GREB1L: variants seen among roughly 807,000 people sequenced by gnomAD.
The protein encoded by GREB1L is GREB1-like protein.
In GREB1L, 17 loss-of-function variants were observed where a neutral mutation model predicts 200.8. That is an observed-to-expected ratio of 0.08 (90% CI 0.06 to 0.13). The LOEUF is 0.13. GREB1L is among the 10% of genes least tolerant of loss of function. The probability of loss-of-function intolerance (pLI) is 1.00; values close to 1 mark genes in which losing one functional copy is unlikely to be tolerated. For synonymous variants in GREB1L, 789 were observed against 893.0 expected (o/e 0.88, Z 2.08); for missense variants, 1,657 against 2,367.7 (o/e 0.70, Z 6.23).
chr18:21,338,873 T>C (rs1020869443), intron 1 of GREB1L, among the ~76,000 whole-genome samples: 2 of 152,216 alleles, frequency 1.3e-5, no homozygotes, highest in Non-Finnish European at 2.9e-5. Context: ...TCAAAAATTA[T>C]CAGTCTGAGT....
At chr18:21,284,502 AT>A (rs1219571535) in intron 1 of GREB1L, among the ~76,000 whole-genome samples, 1 of 152,054 alleles carries the variant, frequency 6.6e-6, no homozygotes, top group African/African-American at 2.4e-5. Flanking sequence ...CTAATACTTC[AT>A]TTCTTTTTAT....
At chr18:21,403,083 T>C (rs1298066283) in intron 6 of GREB1L, among the ~76,000 whole-genome samples, 1 of 152,150 alleles carries the variant, frequency 6.6e-6, no homozygotes, top group Non-Finnish European at 1.5e-5. Flanking sequence ...GGAGACACTC[T>C]AAAGGACCAT....
At chr18:21,461,672 C>A (rs1274134263) in intron 15 of GREB1L, among the ~76,000 whole-genome samples, 1 of 152,192 alleles carries the variant, frequency 6.6e-6, no homozygotes, top group African/African-American at 2.4e-5. Context: ...TGCTCATGCA[C>A]ACACTGCAGT....
At chr18:21,516,059 G>A (rs545734532) in intron 29 of GREB1L, among the ~76,000 whole-genome samples, 1 of 152,244 alleles carries the variant, frequency 6.6e-6, no homozygotes, top group South Asian at 2.1e-4. Flanking sequence ...TTTCCTGAAT[G>A]TTAGTAGGAT....
intron 2 of GREB1L, among the ~76,000 whole-genome samples, chr18:21,371,817 C>T (rs1373237941): frequency 6.6e-6 from 1 of 150,404 alleles, no homozygotes; most frequent in Non-Finnish European, 1.5e-5. Context: ...ACTATGACTA[C>T]CAACATTTTC....
In GREB1L at chr18:21,496,560, A is replaced by G; in HGVS notation, c.3253A>G (p.Ile1085Val). Residue 1085 changes from isoleucine (I) to valine (V), a missense_variant, in exon 21 of 33, where the codon ATC becomes GTC. Around this residue, in one of 9 missense-constraint regions of GREB1L, gnomAD observed 512 missense variants for 668.3 expected, o/e 0.77. Coordinates refer to ENST00000424526, the MANE Select transcript of GREB1L (RefSeq NM_001142966.3). ...LACCYVSKEV[I>V]RGPTVALDLS... Reference sequence around the variant, plus strand: ...ATGCTGCTATGTCTCAAAAGAGGTCATCCGGGGACCCACTGTTGCCCTGGA... The same window carrying G: ...ATGCTGCTATGTCTCAAAAGAGGTCGTCCGGGGACCCACTGTTGCCCTGGA... 6.4e-7 allele frequency: 1 copy of G among 1,551,716 alleles called. No individual in the cohort carries two copies. The highest frequency in any genetic ancestry group is 8.7e-7 in the Non-Finnish European group (1 of 1,147,010).
chr18:21,248,567 A>G lies in GREB1L; in HGVS notation c.-120+6174A>G, dbSNP rs1373507863. Among the ~76,000 whole-genome samples, 6 of 152,358 alleles carry G rather than the reference A, an allele frequency of 3.9e-5. No individual in the cohort carries two copies. In the East Asian group the frequency reaches 1.2e-3, roughly 29 times the overall value. Reference sequence around the variant, plus strand: ...AGACACTTTTTAACTTTCAGATTACAAAGATTCAATAGATTGATAAAATCT... The same window carrying G: ...AGACACTTTTTAACTTTCAGATTACGAAGATTCAATAGATTGATAAAATCT... On this transcript the variant is annotated intron_variant, in intron 1 of 32. Transcript: ENST00000424526.
chr18:21,336,105 C>T (rs1408488733), intron 1 of GREB1L, among the ~76,000 whole-genome samples: 1 of 152,114 alleles, frequency 6.6e-6, no homozygotes, highest in Non-Finnish European at 1.5e-5. Flanking sequence ...AAACTAGCTA[C>T]AGGTGAAAGG....
chr18:21,407,383 AT>A (rs1256246072), intron 7 of GREB1L, among the ~76,000 whole-genome samples: 1 of 152,146 alleles, frequency 6.6e-6, no homozygotes, highest in Non-Finnish European at 1.5e-5. Flanking sequence ...ATTTCCAAGT[AT>A]TTTTCTAAAG....
intron 1 of GREB1L, among the ~76,000 whole-genome samples, chr18:21,274,861 TG>T (rs2038136368): frequency 6.6e-6 from 1 of 152,158 alleles, no homozygotes; most frequent in Non-Finnish European, 1.5e-5. Flanking sequence ...CACTCCAGCC[TG>T]GGCAACACAG....
chr18:21,252,472 G>A (rs181788212), intron 1 of GREB1L, among the ~76,000 whole-genome samples: 8 of 150,306 alleles, frequency 5.3e-5, no homozygotes, highest in Admixed American at 6.7e-5. Flanking sequence ...CAACAAAATC[G>A]CTTGAACCAG....
At chr18:21,338,813 A>G (rs2039225710) in intron 1 of GREB1L, among the ~76,000 whole-genome samples, 1 of 152,282 alleles carries the variant, frequency 6.6e-6, no homozygotes, top group East Asian at 1.9e-4. Flanking sequence ...TTCCCAAGGC[A>G]GATAACAGAA....
At chr18:21,399,604 A>G (rs2384785) in intron 5 of GREB1L, among the ~76,000 whole-genome samples, 33,869 of 152,068 alleles carry the variant, frequency 0.22, 4,371 homozygotes, top group East Asian at 0.43. Flanking sequence ...GGTATTGGAC[A>G]AATAGTCAAA....
intron 23 of GREB1L, among the ~76,000 whole-genome samples, chr18:21,504,906 C>T (rs575093896): frequency 1.1e-4 from 16 of 152,234 alleles, no homozygotes; most frequent in South Asian, 8.3e-4. Context: ...CACTCTGAGG[C>T]GCCTTAAACA....
At chr18:21,355,286 C>T (rs543023983) in intron 1 of GREB1L, among the ~76,000 whole-genome samples, 1 of 151,890 alleles carries the variant, frequency 6.6e-6, no homozygotes, top group East Asian at 1.9e-4. Context: ...CTCCACCTCC[C>T]AAGTTCAAGC....
intron 1 of GREB1L, among the ~76,000 whole-genome samples, chr18:21,268,558 C>CATATATAT (rs1244082888): frequency 9.2e-5 from 8 of 86,666 alleles, no homozygotes; most frequent in African/African-American, 1.3e-4. Flanking sequence ...CACACACACA[C>CATATATAT]ACATATATAT....
intron 2 of GREB1L, among the ~76,000 whole-genome samples, chr18:21,374,594 A>G (rs77476756): frequency 0.077 from 11,785 of 152,244 alleles, 712 homozygotes; most frequent in African/African-American, 0.15. Context: ...ACCACAGCTT[A>G]CTTTGCTGTT....
chr18:21,262,235 C>T (rs541097028), intron 1 of GREB1L, among the ~76,000 whole-genome samples: 1 of 152,208 alleles, frequency 6.6e-6, no homozygotes, highest in South Asian at 2.1e-4. Flanking sequence ...GAGTTATTGG[C>T]ATCATTCTTA....
At chr18:21,261,354 T>G (rs561527664) in intron 1 of GREB1L, among the ~76,000 whole-genome samples, 1 of 152,206 alleles carries the variant, frequency 6.6e-6, no homozygotes, top group East Asian at 1.9e-4. Flanking sequence ...CAGGTCAAGA[T>G]TTGAAGCTCT....
Sources: allele counts gnomAD v4.1 joint callset (sites outside exome capture counted in the v4.1 genomes callset), GRCh38; gene constraint gnomAD v4.1.1; regional missense constraint gnomAD v4.1.1; transcripts MANE v1.5; gene names NCBI Gene and HGNC (gene_info 2026-07-23, HGNC 2026-07-21).